Variants in FRMD4B observed in about 807,000 individuals in gnomAD.
FRMD4B encodes FERM domain containing 4B.
Under a neutral mutation model 141.5 loss-of-function variants are expected in FRMD4B, and 74 were observed. That is an observed-to-expected ratio of 0.52 (90% CI 0.43 to 0.63). The LOEUF is 0.63. Ranked by LOEUF, FRMD4B falls within the 30% of genes least tolerant of loss-of-function variation. FRMD4B has a pLI of 0.00. For synonymous variants in FRMD4B, 506 were observed against 467.9 expected (o/e 1.08, Z -1.05); for missense variants, 1,366 against 1,253.4 (o/e 1.09, Z -1.36).
intron 2 of FRMD4B, among the ~76,000 whole-genome samples, chr3:69,419,060 A>T (rs59649588): frequency 0.27 from 41,107 of 152,004 alleles, 6,012 homozygotes; most frequent in East Asian, 0.46. Flanking sequence ...CTGGGAAGAA[A>T]ATGTAGGTTG....
At chr3:69,191,443 C>CAA (rs201240530) in intron 17 of FRMD4B, among the ~76,000 whole-genome samples, 2 of 151,930 alleles carry the variant, frequency 1.3e-5, no homozygotes, top group African/African-American at 4.8e-5. Context: ...AAAAAACAAA[C>CAA]AAAAAAACAA....
chr3:69,198,867 A>G lies in FRMD4B; in HGVS notation c.877-93T>C, dbSNP rs958946220. ...AATAATCAAACAATTATAAGCTCCA[A>G]GAAGGTACACTGATACGATGAAACA... On this transcript the variant is annotated intron_variant, in intron 11 of 22. Coordinates refer to ENST00000398540, the MANE Select transcript of FRMD4B (RefSeq NM_015123.3). The G allele has an allele frequency of 7.1e-6, 5 of 702,974 alleles. No homozygotes were observed. The African/African-American group carries it at 8.9e-5, about 13-fold the overall frequency. 43.5% of individuals were successfully genotyped at this position (702,974 alleles called of 1,614,324 possible).
At chr3:69,175,031 T>A (rs913374320) in intron 22 of FRMD4B, among the ~76,000 whole-genome samples, 2 of 152,178 alleles carry the variant, frequency 1.3e-5, no homozygotes, top group African/African-American at 4.8e-5. Context: ...ACAATTGGCT[T>A]AATATTTGAA....
At chr3:69,364,832 G>A (rs1254467782) in intron 1 of FRMD4B, among the ~76,000 whole-genome samples, 2 of 151,872 alleles carry the variant, frequency 1.3e-5, no homozygotes, top group Non-Finnish European at 1.5e-5. Context: ...AAATGGTGCA[G>A]CATTCTGTTC....
chr3:69,291,910 CTTTTT>C (rs35703345), intron 4 of FRMD4B, among the ~76,000 whole-genome samples: 341 of 105,500 alleles, frequency 3.2e-3, no homozygotes, highest in African/African-American at 0.012. Context: ...ACAGGAATCT[CTTTTT>C]TTTTTTTTTT....
intron 2 of FRMD4B, among the ~76,000 whole-genome samples, chr3:69,417,251 G>T (rs1272169449): frequency 6.6e-6 from 1 of 152,130 alleles, no homozygotes; most frequent in East Asian, 1.9e-4. Flanking sequence ...ATTCTAACTG[G>T]TGTGAGATGG....
chr3:69,438,358 G>C (rs185418349), intron 1 of FRMD4B, among the ~76,000 whole-genome samples: 71 of 152,064 alleles, frequency 4.7e-4, no homozygotes, highest in African/African-American at 1.6e-3. Context: ...CTTGGGCCTT[G>C]GCATCCTAAA....
In FRMD4B at chr3:69,249,970, T is replaced by G. The variant is rs115023384; in HGVS notation, c.558+73A>C. 1.6e-3 allele frequency: 1,522 copies of G among 973,128 alleles called. 17 individuals are homozygous for G. The African/African-American group carries it at 0.021, about 14-fold the overall frequency. 60.3% of individuals were successfully genotyped at this position (973,128 alleles called of 1,614,324 possible). On this transcript the variant is annotated intron_variant, in intron 6 of 22. Coordinates refer to ENST00000398540, the MANE Select transcript of FRMD4B (RefSeq NM_015123.3). Reference sequence around the variant, plus strand: ...ACAAACACTGGCCCATGCAAAAGTTTCAGAGTTGCAGGCAGTTAACAAAAA... The same window carrying G: ...ACAAACACTGGCCCATGCAAAAGTTGCAGAGTTGCAGGCAGTTAACAAAAA...
chr3:69,455,042 T>G (rs1285803430), intron 1 of FRMD4B, among the ~76,000 whole-genome samples: 1 of 152,318 alleles, frequency 6.6e-6, no homozygotes, highest in Non-Finnish European at 1.5e-5. Context: ...AACCTTTATG[T>G]CTAGCTAAAG....
chr3:69,465,653 T>A (rs1705770787), intron 1 of FRMD4B, among the ~76,000 whole-genome samples: 1 of 151,976 alleles, frequency 6.6e-6, no homozygotes, highest in Non-Finnish European at 1.5e-5. Flanking sequence ...TGGTTTTCTG[T>A]TCTTGTGATA....
intron 1 of FRMD4B, among the ~76,000 whole-genome samples, chr3:69,434,726 T>C (rs888855940): frequency 6.6e-6 from 1 of 152,196 alleles, no homozygotes; most frequent in African/African-American, 2.4e-5. Context: ...AAGATACTTG[T>C]GATATTGGGT....
intron 7 of FRMD4B, among the ~76,000 whole-genome samples, chr3:69,229,057 G>A (rs921182523): frequency 4.7e-5 from 5 of 105,938 alleles, no homozygotes; most frequent in African/African-American, 1.7e-4. Flanking sequence ...GCTGGGTCTT[G>A]TTCTGTTGCC....
intron 1 of FRMD4B, among the ~76,000 whole-genome samples, chr3:69,331,009 C>T (rs1164494011): frequency 3.3e-5 from 5 of 152,060 alleles, no homozygotes; most frequent in Non-Finnish European, 7.3e-5. Context: ...ATCTCAGTTC[C>T]GTTCTGCCTC....
intron 1 of FRMD4B, chr3:69,472,271 GTTGT>G: frequency 2.8e-6 from 1 of 352,540 alleles, no homozygotes; most frequent in South Asian, 2.8e-5. Context: ...CTTGTTGGCT[GTTGT>G]TTATGTCTGA....
At chr3:69,531,997 T>C (rs749954742) in intron 1 of FRMD4B, among the ~76,000 whole-genome samples, 28 of 152,312 alleles carry the variant, frequency 1.8e-4, no homozygotes, top group Admixed American at 3.3e-4. Flanking sequence ...AAATACAAAT[T>C]GAATTACTTT....
intron 1 of FRMD4B, among the ~76,000 whole-genome samples, chr3:69,315,239 A>G (rs1219982620): frequency 6.6e-6 from 1 of 152,238 alleles, no homozygotes; most frequent in African/African-American, 2.4e-5. Flanking sequence ...TACTTAAACA[A>G]TGCATAGAAT....
In FRMD4B at chr3:69,185,818, G is replaced by A. The variant is rs2092760719; in HGVS notation, c.1919+1952C>T. Among the ~76,000 whole-genome samples the A allele has an allele frequency of 2.0e-5, 3 of 152,086 alleles. 1 individual carries two copies. In the South Asian group the frequency reaches 6.2e-4, roughly 31 times the overall value. The stretch of plus-strand genomic sequence containing the variant: ...GCACTTTGGGAGGCCGAAGTGGGCG[G>A]ATCACCTGAGGTCAGGAGTTCAAGA... On this transcript the variant is annotated intron_variant, in intron 19 of 22. Transcript: ENST00000398540.
chr3:69,223,244 A>T (rs1489513617), intron 8 of FRMD4B, among the ~76,000 whole-genome samples: 1 of 152,174 alleles, frequency 6.6e-6, no homozygotes, highest in Non-Finnish European at 1.5e-5. Flanking sequence ...GGCTGGGTGC[A>T]GTGGCTCACG....
chr3:69,289,116 T>G (rs183157691), intron 4 of FRMD4B, among the ~76,000 whole-genome samples: 1 of 152,276 alleles, frequency 6.6e-6, no homozygotes, highest in East Asian at 1.9e-4. Flanking sequence ...AAGAGAAAGT[T>G]AAGTACAAAG....
Sources: gnomAD v4.1 joint callset for allele counts (sites outside exome capture counted in the v4.1 genomes callset) on GRCh38, gnomAD v4.1.1 for gene constraint, MANE v1.5 for transcripts, NCBI Gene and HGNC (gene_info 2026-07-23, HGNC 2026-07-21) for gene names.